The following SLC2A13 variants were observed in gnomAD, a reference collection of about 807,000 sequenced individuals.
SLC2A13 encodes proton myo-inositol cotransporter.
SLC2A13 carries 32 observed loss-of-function variants against 64.4 expected under a neutral mutation model. The ratio of observed to expected loss-of-function variants is 0.50; its 90% CI spans 0.37 to 0.67. SLC2A13 has a LOEUF of 0.67. Among genes scored for constraint, SLC2A13 ranks in the 30% least tolerant of loss-of-function variants. The pLI is 0.00. For synonymous variants in SLC2A13, 338 were observed against 327.1 expected, an observed-to-expected ratio of 1.03 and a Z score of -0.36; for missense variants, 743 against 829.2, an observed-to-expected ratio of 0.90 and a Z score of 1.28.
At chr12:39,924,476 T>G (rs1355692469) in intron 4 of SLC2A13, among the ~76,000 whole-genome samples, 1 of 151,984 alleles carries the variant, frequency 6.6e-6, no homozygotes, top group African/African-American at 2.4e-5. Context: ...CAATTCTTCT[T>G]CCTTCATTTT....
chr12:39,868,492 G>A (rs1218925577), intron 5 of SLC2A13, among the ~76,000 whole-genome samples: 1 of 152,194 alleles, frequency 6.6e-6, no homozygotes, highest in East Asian at 1.9e-4. Context: ...TGTCTAAAGT[G>A]CACATATTTC....
chr12:39,887,451 C>A (rs924697438), intron 4 of SLC2A13, among the ~76,000 whole-genome samples: 2 of 152,064 alleles, frequency 1.3e-5, no homozygotes, highest in African/African-American at 4.8e-5. Context: ...ACACCCAGAG[C>A]AGGCTTACAG....
chr12:39,979,412 T>C (rs1400133172), intron 3 of SLC2A13, among the ~76,000 whole-genome samples: 1 of 140,368 alleles, frequency 7.1e-6, no homozygotes, highest in East Asian at 2.1e-4. Context: ...GGCAAAGAAG[T>C]TGAAAACTTT....
intron 4 of SLC2A13, among the ~76,000 whole-genome samples, chr12:39,935,237 AAAAT>A (rs929945354): frequency 1.5e-4 from 23 of 152,178 alleles, no homozygotes; most frequent in African/African-American, 4.8e-4. Flanking sequence ...CAAGAAGGGA[AAAAT>A]AAATAAATAA....
chr12:40,013,834 T>C (rs1381033365), intron 3 of SLC2A13, among the ~76,000 whole-genome samples: 1 of 152,208 alleles, frequency 6.6e-6, no homozygotes, highest in Non-Finnish European at 1.5e-5. Flanking sequence ...CTTCAGCACC[T>C]GATTTTACAG....
chr12:39,776,523 T>C (rs1486238208), intron 7 of SLC2A13, among the ~76,000 whole-genome samples: 1 of 152,094 alleles, frequency 6.6e-6, no homozygotes, highest in East Asian at 1.9e-4. Flanking sequence ...TATGAAATAT[T>C]GAAAGAGGAT....
At chr12:39,908,527 T>G (rs1019235701) in intron 4 of SLC2A13, among the ~76,000 whole-genome samples, 1 of 151,376 alleles carries the variant, frequency 6.6e-6, no homozygotes, top group African/African-American at 2.4e-5. Context: ...TAGATTGTGT[T>G]AGTAGAGAAG....
intron 1 of SLC2A13, among the ~76,000 whole-genome samples, chr12:40,086,130 C>T (rs28365172): frequency 0.07 from 10,688 of 152,234 alleles, 701 homozygotes; most frequent in East Asian, 0.38. Context: ...AGCCATCGTG[C>T]CTGGCCCTCC....
At chr12:39,913,079 C>A (rs1485514194) in intron 4 of SLC2A13, among the ~76,000 whole-genome samples, 1 of 151,804 alleles carries the variant, frequency 6.6e-6, no homozygotes, top group Non-Finnish European at 1.5e-5. Context: ...GATAAGGTAA[C>A]CAATGGAGAG....
intron 7 of SLC2A13, among the ~76,000 whole-genome samples, chr12:39,814,641 T>C (rs1592163735): frequency 6.6e-6 from 1 of 152,166 alleles, no homozygotes; most frequent in Admixed American, 6.5e-5. Context: ...AGGAAAAACA[T>C]AAATTGCTGT....
In SLC2A13 at chr12:39,764,815, C is replaced by T. The variant is rs753861463; in HGVS notation, c.1489G>A (p.Ala497Thr). The change falls in exon 8 of 10, where the codon GCT becomes ACT. Residue 497 changes from alanine to threonine, a missense_variant. This residue lies in a region of SLC2A13 where 295 missense variants were observed against 381.7 expected (regional missense o/e 0.77). Coordinates refer to ENST00000280871, the MANE Select transcript of SLC2A13 (RefSeq NM_052885.4). ...TKFKTEDIFWAYNFCPTPYSW... is the reference protein window; with the variant it reads ...TKFKTEDIFWTYNFCPTPYSW... ...TATGGAGTAGGGCAGAAATTGTAAG[C>T]CCAAAATATATCTTCTGTTTTGAAC... 1.7e-5 allele frequency: 28 copies of T among 1,612,370 alleles called. No homozygotes were observed. The Middle Eastern group carries it at 6.6e-4, about 38-fold the overall frequency.
intron 7 of SLC2A13, among the ~76,000 whole-genome samples, chr12:39,811,614 T>G (rs1942163252): frequency 6.6e-6 from 1 of 152,180 alleles, no homozygotes; most frequent in African/African-American, 2.4e-5. Context: ...TTTAGTAATT[T>G]TTGTGAAAAT....
intron 1 of SLC2A13, among the ~76,000 whole-genome samples, chr12:40,087,579 C>A (rs937451956): frequency 6.6e-6 from 1 of 152,096 alleles, no homozygotes; most frequent in Admixed American, 6.6e-5. Flanking sequence ...TTATGTAACC[C>A]ACAAGCATTT....
chr12:40,098,512 A>T (rs1565626877), intron 1 of SLC2A13, among the ~76,000 whole-genome samples: 1 of 152,242 alleles, frequency 6.6e-6, no homozygotes, highest in African/African-American at 2.4e-5. Flanking sequence ...ATAAAAAAAT[A>T]AATCTATACT....
intron 6 of SLC2A13, among the ~76,000 whole-genome samples, chr12:39,838,731 C>A (rs940417677): frequency 4.6e-5 from 7 of 152,008 alleles, no homozygotes; most frequent in Non-Finnish European, 8.8e-5. Context: ...GGGTCTTGGC[C>A]AAATGTGCTC....
intron 4 of SLC2A13, among the ~76,000 whole-genome samples, chr12:39,886,590 G>A (rs1469549196): frequency 1.3e-5 from 2 of 151,844 alleles, no homozygotes; most frequent in Non-Finnish European, 2.9e-5. Flanking sequence ...GAATTAGGGA[G>A]ATATTTCTGA....
At chr12:39,953,793 C>T (rs1946272754) in intron 3 of SLC2A13, among the ~76,000 whole-genome samples, 1 of 152,072 alleles carries the variant, frequency 6.6e-6, no homozygotes, top group Non-Finnish European at 1.5e-5. Context: ...TGAGCTCATC[C>T]CTCTTCCTTC....
In SLC2A13 at chr12:39,866,084, A is replaced by G. The variant is rs111356377; in HGVS notation, c.1199-1202T>C. Among the ~76,000 whole-genome samples, 396 of 152,374 alleles carry G rather than the reference A, an allele frequency of 2.6e-3. 1 individual carries two copies. The highest frequency in any genetic ancestry group is 8.6e-3 in the African/African-American group (358 of 41,592). On this transcript the variant is annotated intron_variant, in intron 5 of 9. Transcript: ENST00000280871. ...GTACAACTTATTTGAATGAGACAAA[A>G]TAAGTTTAAAACATGGAATTTAGGA...
intron 2 of SLC2A13, among the ~76,000 whole-genome samples, chr12:40,045,025 A>G (rs1224517500): frequency 6.6e-6 from 1 of 152,206 alleles, no homozygotes; most frequent in Non-Finnish European, 1.5e-5. Flanking sequence ...AATCTGCAAA[A>G]TGAGAATAAT....
Sources: gnomAD v4.1 joint callset for allele counts (sites outside exome capture counted in the v4.1 genomes callset) on GRCh38, gnomAD v4.1.1 for gene constraint, gnomAD v4.1.1 regional missense constraint, MANE v1.5 for transcripts, NCBI Gene and HGNC (gene_info 2026-07-23, HGNC 2026-07-21) for gene names.